The following FKBP6 variants were observed in gnomAD, a reference collection of about 807,000 sequenced individuals.
FKBP6 encodes the protein inactive peptidyl-prolyl cis-trans isomerase FKBP6.
In FKBP6, 29 loss-of-function variants were observed where a neutral mutation model predicts 41.7. That is an observed-to-expected ratio of 0.70 (90% CI 0.52 to 0.95). The LOEUF (loss-of-function observed/expected upper bound fraction) is 0.95. FKBP6 is among the 40% of genes least tolerant of loss of function. The probability of loss-of-function intolerance (pLI) is 0.00; values close to 1 mark genes in which losing one functional copy is unlikely to be tolerated. For missense variants in FKBP6, 338 were observed against 408.7 expected, an observed-to-expected ratio of 0.83 and a Z score of 1.49; for synonymous variants, 130 against 165.1, an observed-to-expected ratio of 0.79 and a Z score of 1.63.
intron 8 of FKBP6, among the ~76,000 whole-genome samples, chr7:73,354,480 G>A (rs112446003): frequency 2.6e-5 from 4 of 152,220 alleles, no homozygotes; most frequent in Non-Finnish European, 5.9e-5. Context: ...AGGGGCAGGT[G>A]GAGGACCCAG....
At chr7:73,355,004 G>A (rs1805588571) in intron 8 of FKBP6, among the ~76,000 whole-genome samples, 1 of 152,182 alleles carries the variant, frequency 6.6e-6, no homozygotes, top group Admixed American at 6.5e-5. Context: ...CCAGCCCGTG[G>A]CTCCGCGATT....
intron 5 of FKBP6, among the ~76,000 whole-genome samples, chr7:73,337,460 G>T (rs114950857): frequency 6.6e-6 from 1 of 151,662 alleles, no homozygotes; most frequent in Non-Finnish European, 1.5e-5. Flanking sequence ...GATTACAAGC[G>T]CCTGCTACCA....
At position 73,331,790 on chromosome 7, in the gene FKBP6, G is replaced by A; in HGVS notation, c.588+14G>A. The A allele has an allele frequency of 6.2e-7, 1 of 1,612,008 alleles. No individual in the cohort carries two copies. The highest frequency in any genetic ancestry group is 1.3e-5 in the African/African-American group (1 of 74,998). On this transcript the variant is annotated intron_variant, in intron 5 of 8. Transcript: ENST00000252037. ...AGATATAAAAGGGTGAGAATGCTTT[G>A]AAAGTTAAGTGTAAGTTTAGATCCT... is the stretch of plus-strand genomic sequence containing the variant.
At chr7:73,342,776 T>A in intron 7 of FKBP6, 31 bp from the exon 8 acceptor site, 1 of 1,460,082 alleles carries the variant, frequency 6.8e-7, no homozygotes, top group Non-Finnish European at 9.6e-7. Flanking sequence ...AACACAGACC[T>A]CCTCTAACAA....
intron 3 of FKBP6, chr7:73,329,711 A>G (rs1418900198): frequency 8.7e-6 from 5 of 571,668 alleles, no homozygotes; most frequent in Admixed American, 3.0e-5. Flanking sequence ...GTAAAACTCA[A>G]TCGAATACTT....
chr7:73,353,204 C>T (rs112765050), intron 8 of FKBP6, among the ~76,000 whole-genome samples: 5 of 152,228 alleles, frequency 3.3e-5, no homozygotes, highest in African/African-American at 4.8e-5. Flanking sequence ...CTCCCTTTTA[C>T]GAGGATCTGA....
At chr7:73,329,765 A>T (rs1282365401) in intron 3 of FKBP6, 2 of 532,548 alleles carry the variant, frequency 3.8e-6, no homozygotes, top group Non-Finnish European at 6.7e-6. Context: ...TACTCAGAAG[A>T]TTAGAACATC....
chr7:73,340,920 T>A, intron 6 of FKBP6, 88 bp downstream of exon 6: 28 of 436,204 alleles, frequency 6.4e-5, no homozygotes, highest in Non-Finnish European at 9.5e-5. Flanking sequence ...ATGCTGTCTT[T>A]TTTTTTTTTT....
At chr7:73,340,359 A>G (rs1805134972) in intron 5 of FKBP6, among the ~76,000 whole-genome samples, 1 of 152,190 alleles carries the variant, frequency 6.6e-6, no homozygotes, top group Non-Finnish European at 1.5e-5. Flanking sequence ...ATATTAAAAT[A>G]TGAAAAAATT....
At chr7:73,333,050 T>A (rs894847490) in intron 5 of FKBP6, among the ~76,000 whole-genome samples, 1 of 152,148 alleles carries the variant, frequency 6.6e-6, no homozygotes, top group Non-Finnish European at 1.5e-5. Context: ...GGCGAGTGGA[T>A]AGCTTGAGGT....
intron 8 of FKBP6, among the ~76,000 whole-genome samples, chr7:73,345,022 C>T (rs1805296954): frequency 6.6e-6 from 1 of 152,108 alleles, no homozygotes; most frequent in South Asian, 2.1e-4. Context: ...GACAGTATGC[C>T]TTTTCCATCT....
At chr7:73,353,737 CT>C (rs143724446) in intron 8 of FKBP6, among the ~76,000 whole-genome samples, 4,837 of 144,258 alleles carry the variant, frequency 0.034, 96 homozygotes, top group Middle Eastern at 0.064. Flanking sequence ...TTTTTTTCTT[CT>C]TTTTTTTTTT....
At chr7:73,341,770 TCTC>T (rs1805199035) in intron 7 of FKBP6, among the ~76,000 whole-genome samples, 1 of 151,550 alleles carries the variant, frequency 6.6e-6, no homozygotes, top group Non-Finnish European at 1.5e-5. Flanking sequence ...TTCAGACGAT[TCTC>T]CTGTCTCAGC....
At position 73,340,720 on chromosome 7, in the gene FKBP6, A is replaced by T; in HGVS notation, c.671A>T (p.Asn224Ile). 1.2e-6 allele frequency: 2 copies of T among 1,613,466 alleles called. No individual in the cohort carries two copies. The highest frequency in any genetic ancestry group is 1.7e-6 in the Non-Finnish European group (2 of 1,179,900). Residue 224 changes from asparagine to isoleucine, a missense_variant, in exon 6 of 9, where the codon AAC (asparagine) becomes ATC (isoleucine). Asn to Ile is a moderately radical substitution (Grantham distance 149, BLOSUM62 -3). Around this residue, in one of 2 missense-constraint regions of FKBP6, gnomAD observed 239 missense variants for 250.1 expected, o/e 0.96. Transcript: ENST00000252037. ...VEAAKLPVLLNLSFTYLKLDR... is the reference protein window; with the variant it reads ...VEAAKLPVLLILSFTYLKLDR... ...GCCGCCAAGCTTCCTGTTCTCCTGA[A>T]CCTGTCCTTTACATACCTGAAGCTA...
At chr7:73,338,067 C>A (rs1337032414) in intron 5 of FKBP6, among the ~76,000 whole-genome samples, 1 of 152,114 alleles carries the variant, frequency 6.6e-6, no homozygotes, top group Non-Finnish European at 1.5e-5. Context: ...TCCCTGTTGC[C>A]CAGGCTGGAG....
intron 8 of FKBP6, among the ~76,000 whole-genome samples, chr7:73,345,579 A>G (rs1554550174): frequency 6.6e-6 from 1 of 152,208 alleles, no homozygotes; most frequent in East Asian, 1.9e-4. Flanking sequence ...ACATGCTGGT[A>G]TCTGAGGCCC....
At chr7:73,329,495 T>TAGATGAGGCACG (rs782324739) in intron 3 of FKBP6, 46 bp downstream of exon 3, 1 of 1,157,770 alleles carries the variant, frequency 8.6e-7, no homozygotes, top group East Asian at 2.3e-5. Flanking sequence ...GTTTAGGGGC[T>TAGATGAGGCACG]AGATGAGGCA....
intron 8 of FKBP6, among the ~76,000 whole-genome samples, chr7:73,356,132 A>G (rs543763516): frequency 2.8e-4 from 43 of 151,444 alleles, no homozygotes; most frequent in Non-Finnish European, 5.6e-4. Flanking sequence ...AGAATTATAC[A>G]TTTTGTACTA....
chr7:73,329,736 A>C (rs1248048016), intron 3 of FKBP6: 6 of 549,332 alleles, frequency 1.1e-5, no homozygotes, highest in Non-Finnish European at 1.3e-5. Flanking sequence ...CCCACAATAC[A>C]TGGTGAAAAG....
Sources: allele counts gnomAD v4.1 joint callset (sites outside exome capture counted in the v4.1 genomes callset), GRCh38; gene constraint gnomAD v4.1.1; regional missense constraint gnomAD v4.1.1; transcripts MANE v1.5; gene names NCBI Gene and HGNC (gene_info 2026-07-23, HGNC 2026-07-21).